CLVS1: variants seen among roughly 807,000 people sequenced by gnomAD.
CLVS1 encodes the protein clavesin 1.
CLVS1 carries 10 observed loss-of-function variants against 33.1 expected under a neutral mutation model. The observed-to-expected ratio is 0.30, with a 90% CI of 0.19 to 0.51. CLVS1 has a LOEUF of 0.51. Ranked by LOEUF, CLVS1 falls within the 20% of genes least tolerant of loss-of-function variation. The probability of loss-of-function intolerance (pLI) is 0.97; values close to 1 mark genes in which losing one functional copy is unlikely to be tolerated. For synonymous variants in CLVS1, 163 were observed against 166.1 expected (o/e 0.98, Z 0.14); for missense variants, 343 against 433.4 (o/e 0.79, Z 1.85).
intron 2 of CLVS1, among the ~76,000 whole-genome samples, chr8:61,319,340 A>G (rs1406947390): frequency 6.6e-6 from 1 of 152,192 alleles, no homozygotes; most frequent in Non-Finnish European, 1.5e-5. Context: ...TGCACCAATT[A>G]GGGAAGGTTA....
At chr8:60,968,293 A>G in the CLVS1 span, among the ~76,000 whole-genome samples, 5 of 152,148 alleles carry the variant, frequency 3.3e-5, no homozygotes, top group Admixed American at 3.3e-4. Context: ...AGGCCGGCGG[A>G]TCACCTGAGG....
chr8:61,432,248 C>A (rs1469908640), intron 3 of CLVS1, among the ~76,000 whole-genome samples: 1 of 152,186 alleles, frequency 6.6e-6, no homozygotes, highest in African/African-American at 2.4e-5. Flanking sequence ...CACCTATTAT[C>A]AAGGGGTAAA....
chr8:61,426,237 T>G (rs1481975366), intron 3 of CLVS1, among the ~76,000 whole-genome samples: 3 of 152,214 alleles, frequency 2.0e-5, no homozygotes, highest in Non-Finnish European at 4.4e-5. Flanking sequence ...CTTAATATAC[T>G]CAAGTCATTA....
intron 1 of CLVS1, among the ~76,000 whole-genome samples, chr8:61,296,362 T>C (rs1272340155): frequency 6.6e-6 from 1 of 152,176 alleles, no homozygotes; most frequent in East Asian, 1.9e-4. Context: ...CCATGAAAAA[T>C]GCAACCTCAA....
At chr8:61,341,043 G>A (rs1251680823) in intron 2 of CLVS1, among the ~76,000 whole-genome samples, 4 of 152,218 alleles carry the variant, frequency 2.6e-5, no homozygotes, top group African/African-American at 9.6e-5. Context: ...CAGGATGCAA[G>A]CACTGAAGAT....
At chr8:61,470,364 C>T (rs574921052) in intron 5 of CLVS1, among the ~76,000 whole-genome samples, 1 of 152,256 alleles carries the variant, frequency 6.6e-6, no homozygotes, top group South Asian at 2.1e-4. Context: ...AAGCTACTGG[C>T]AGACAAAAGA....
At chr8:61,393,257 G>T (rs1020714129) in intron 3 of CLVS1, among the ~76,000 whole-genome samples, 1 of 151,976 alleles carries the variant, frequency 6.6e-6, no homozygotes, top group Admixed American at 6.6e-5. Flanking sequence ...AGTTGTGATT[G>T]TCTTTTCTTT....
At chr8:61,070,258 A>T (rs1781714363) in intron 1 of CLVS1, among the ~76,000 whole-genome samples, 2 of 152,142 alleles carry the variant, frequency 1.3e-5, no homozygotes, top group African/African-American at 2.4e-5. Flanking sequence ...TGCGTCTCTC[A>T]TATCACATGC....
At position 61,202,474 on chromosome 8, in the gene CLVS1, T is replaced by C. The variant is rs182334932; in HGVS notation, c.-152+70614T>C. ...GGATAATGATGAAAATGAGCGCCAGTTGTCTTTAAGAACGGTCAGTTTAGG... is the reference window on the plus strand; with the variant it reads ...GGATAATGATGAAAATGAGCGCCAGCTGTCTTTAAGAACGGTCAGTTTAGG... On this transcript the variant is annotated intron_variant, in intron 2 of 2. Coordinates refer to the CLVS1 transcript ENST00000522621. 447 of 837,168 alleles carry C rather than the reference T, an allele frequency of 5.3e-4. 2 individuals are homozygous for C. In the Middle Eastern group the frequency reaches 7.4e-3, roughly 14 times the overall value. The allele number at this position is 837,168 out of a possible 1,614,324, so 51.9% of individuals were successfully genotyped here.
At chr8:61,396,885 T>A (rs912773121) in intron 3 of CLVS1, among the ~76,000 whole-genome samples, 3 of 152,188 alleles carry the variant, frequency 2.0e-5, no homozygotes, top group African/African-American at 2.4e-5. Context: ...TCCTTTTCAT[T>A]GCCAAATATT....
At chr8:61,378,480 G>A in intron 3 of CLVS1, 1 of 152,210 alleles carries the variant, frequency 6.6e-6, no homozygotes, top group Non-Finnish European at 1.5e-5. Context: ...CTTTGGAGGG[G>A]CAACTTGGGT....
the CLVS1 span, among the ~76,000 whole-genome samples, chr8:61,043,222 A>C: frequency 1.3e-5 from 2 of 152,310 alleles, no homozygotes; most frequent in South Asian, 4.1e-4. Context: ...ACCTTGGCAG[A>C]ATCCTCATAT....
chr8:61,433,766 T>G (rs998057944), intron 3 of CLVS1, among the ~76,000 whole-genome samples: 1 of 151,894 alleles, frequency 6.6e-6, no homozygotes, highest in African/African-American at 2.4e-5. Context: ...ATACAAAAAT[T>G]AGCCAGGTGT....
chr8:60,993,021 G>A, the CLVS1 span, among the ~76,000 whole-genome samples: 2 of 152,344 alleles, frequency 1.3e-5, no homozygotes, highest in African/African-American at 4.8e-5. Flanking sequence ...GGGGGCTGGA[G>A]CACTAAAAAG....
chr8:61,456,752 T>G (rs1324583998), intron 4 of CLVS1, among the ~76,000 whole-genome samples: 1 of 151,452 alleles, frequency 6.6e-6, no homozygotes, highest in Non-Finnish European at 1.5e-5. Flanking sequence ...CCGTCTGTAC[T>G]AAAAAATACA....
chr8:61,027,947 A>G, the CLVS1 span, among the ~76,000 whole-genome samples: 1 of 152,246 alleles, frequency 6.6e-6, no homozygotes, highest in Non-Finnish European at 1.5e-5. Flanking sequence ...GATAAGGTGC[A>G]TTAAGCAATC....
At chr8:61,451,751 G>T (rs1026211183) in intron 3 of CLVS1, among the ~76,000 whole-genome samples, 1 of 151,668 alleles carries the variant, frequency 6.6e-6, no homozygotes, top group African/African-American at 2.4e-5. Flanking sequence ...ACCATGAGAG[G>T]GGTGTGTTTG....
chr8:61,019,437 T>C, the CLVS1 span, among the ~76,000 whole-genome samples: 1 of 152,156 alleles, frequency 6.6e-6, no homozygotes, highest in East Asian at 1.9e-4. Flanking sequence ...CTACTTCTCA[T>C]CCAGAATATT....
rs552933910 is a variant in CLVS1 at position 61,442,845 on chromosome 8, G to A, written c.631-11296G>A. Among the ~76,000 whole-genome samples, 8 of 152,198 alleles carry A rather than the reference G, an allele frequency of 5.3e-5. No individual in the cohort carries two copies. In the South Asian group the frequency reaches 1.0e-3, roughly 20 times the overall value. On this transcript the variant is annotated intron_variant, in intron 3 of 5. Transcript: ENST00000325897. ...AAACTCCTGACCTCGTGATCCGCCC[G>A]CGTTGGCCTCCTGAAGTGCTGGGAT...
Sources: allele counts gnomAD v4.1 joint callset (sites outside exome capture counted in the v4.1 genomes callset), GRCh38; gene constraint gnomAD v4.1.1; transcripts MANE v1.5; gene names NCBI Gene and HGNC (gene_info 2026-07-23, HGNC 2026-07-21).